Variants in CAMK2A observed in about 807,000 individuals in gnomAD.
CAMK2A encodes calcium/calmodulin dependent protein kinase II alpha.
Under a neutral mutation model 79.2 loss-of-function variants are expected in CAMK2A, and 7 were observed. That is an observed-to-expected ratio of 0.09 (90% CI 0.05 to 0.17). The LOEUF (loss-of-function observed/expected upper bound fraction) is 0.17. CAMK2A is among the 10% of genes least tolerant of loss of function. CAMK2A has a pLI of 1.00. For synonymous variants in CAMK2A, 242 were observed against 251.7 expected (o/e 0.96, Z 0.36); for missense variants, 214 against 646.4 (o/e 0.33, Z 7.25).
rs542754622 is a variant in CAMK2A, at chr5:150,287,648, C to T, written c.62+1916G>A. Among the ~76,000 whole-genome samples the T allele has an allele frequency of 6.4e-4, 97 of 152,264 alleles. 2 individuals carry two copies. Among genetic ancestry groups the T allele is most frequent in the Admixed American group, 5.9e-4 (9 of 15,294 alleles). On this transcript the variant is annotated intron_variant, in intron 1 of 18. Coordinates refer to ENST00000671881, the MANE Select transcript of CAMK2A (RefSeq NM_015981.4). Reference sequence around the variant, plus strand: ...CAACTCCATCTCACTGTACTCATGACGCAGTCCTGCCAGGACCCAGTCTTG... The same window carrying T: ...CAACTCCATCTCACTGTACTCATGATGCAGTCCTGCCAGGACCCAGTCTTG...
intron 2 of CAMK2A, among the ~76,000 whole-genome samples, chr5:150,268,449 A>G (rs1756606164): frequency 6.6e-6 from 1 of 152,098 alleles, no homozygotes; most frequent in South Asian, 2.1e-4. Context: ...CTCCTTAGAG[A>G]GATTCCCTGG....
At chr5:150,279,802 A>G (rs1031366261) in intron 1 of CAMK2A, among the ~76,000 whole-genome samples, 2 of 152,218 alleles carry the variant, frequency 1.3e-5, no homozygotes. Context: ...GGTCCGGCGC[A>G]TGGCTGAGAA....
intron 2 of CAMK2A, among the ~76,000 whole-genome samples, chr5:150,268,856 C>G (rs1476670071): frequency 6.6e-6 from 1 of 152,164 alleles, no homozygotes; most frequent in Non-Finnish European, 1.5e-5. Flanking sequence ...ACTTCCTGGG[C>G]TCAGGTGATT....
chr5:150,266,519 C>T (rs1055807534), intron 2 of CAMK2A, among the ~76,000 whole-genome samples: 1 of 152,172 alleles, frequency 6.6e-6, no homozygotes, highest in African/African-American at 2.4e-5. Context: ...CTTTATATGC[C>T]TTTCAAGCCC....
chr5:150,253,834 G>T (rs1033752477), intron 6 of CAMK2A, among the ~76,000 whole-genome samples: 6 of 150,942 alleles, frequency 4.0e-5, no homozygotes, highest in African/African-American at 1.2e-4. Flanking sequence ...TGAGAGCGGG[G>T]TGGTACATTC....
intron 13 of CAMK2A, among the ~76,000 whole-genome samples, chr5:150,240,920 C>T (rs1316383826): frequency 3.3e-5 from 5 of 152,332 alleles, no homozygotes; most frequent in Non-Finnish European, 1.5e-5. Context: ...ACAGGGCAGG[C>T]CTTTGCCATG....
In CAMK2A at chr5:150,222,627, C is replaced by T. The variant is rs760046210; in HGVS notation, c.*83G>A. 2 of 1,506,688 alleles carry T rather than the reference C, an allele frequency of 1.3e-6. No individual in the cohort carries two copies. The highest frequency in any genetic ancestry group is 2.3e-5 in the South Asian group (2 of 88,520). 93.3% of individuals were successfully genotyped at this position (1,506,688 alleles called of 1,614,324 possible). ...TGACATGGGAGAATTCCAGCAAAAT[C>T]CACCTGGGAGAACCAGCAGCTCCAC... On this transcript the variant is annotated 3_prime_UTR_variant, in exon 19 of 19. Coordinates refer to ENST00000671881, the MANE Select transcript of CAMK2A (RefSeq NM_015981.4).
chr5:150,283,210 G>A (rs1757286951), intron 1 of CAMK2A, among the ~76,000 whole-genome samples: 1 of 152,134 alleles, frequency 6.6e-6, no homozygotes, highest in South Asian at 2.1e-4. Flanking sequence ...TGGAAATTGG[G>A]GTCAGGCTGA....
intron 1 of CAMK2A, among the ~76,000 whole-genome samples, chr5:150,281,387 A>G (rs1757209585): frequency 6.6e-6 from 1 of 152,220 alleles, no homozygotes; most frequent in African/African-American, 2.4e-5. Flanking sequence ...CAGAATAGAG[A>G]GGTTAGAATG....
intron 3 of CAMK2A, among the ~76,000 whole-genome samples, chr5:150,260,540 T>C (rs1756262821): frequency 6.7e-6 from 1 of 150,306 alleles, no homozygotes; most frequent in East Asian, 2.0e-4. Flanking sequence ...ACCTGGGCCC[T>C]GCCCAGAAGC....
chr5:150,264,815 C>T lies in CAMK2A; in HGVS notation c.217+141G>A, dbSNP rs76035118. On this transcript the variant is annotated intron_variant, in intron 3 of 18. Transcript: ENST00000671881. ...AGGAATGTGGAAACCATTAAAGACG[C>T]CCCCTTTCCCATCTCTGCTGCCTCC... The T allele has an allele frequency of 2.5e-3, 1,648 of 672,118 alleles. 21 individuals are homozygous for T. In the African/African-American group the frequency reaches 0.026, roughly 11 times the overall value. The allele number at this position is 672,118 out of a possible 1,614,324, so 41.6% of individuals were successfully genotyped here.
chr5:150,250,779 G>A lies in CAMK2A; in HGVS notation c.725C>T (p.Pro242Leu), dbSNP rs751800259. ...FPSPEWDTVTPEAKDLINKML... is the reference protein window; with the variant it reads ...FPSPEWDTVTLEAKDLINKML... ...CTTATTGATCAGATCCTTGGCTTCC[G>A]GGGTGACAGTGTCCCATTCCGGCGA... Residue 242 changes from proline to leucine, a missense_variant, in exon 10 of 19, where the codon CCG becomes CTG. By Grantham distance (98) the Pro-to-Leu change is moderately conservative. Coordinates refer to ENST00000671881, the MANE Select transcript of CAMK2A (RefSeq NM_015981.4). 5.6e-6 allele frequency: 9 copies of A among 1,613,924 alleles called. No individual in the cohort carries two copies. Among genetic ancestry groups the A allele is most frequent in the Non-Finnish European group, 5.9e-6 (7 of 1,179,956 alleles).
Position 150,222,506 on chromosome 5 carries a change from G to A in CAMK2A, c.*204C>T, listed in dbSNP as rs565830737. 1 of 709,988 alleles carries A rather than the reference G, an allele frequency of 1.4e-6. No individual in the cohort carries two copies. Among genetic ancestry groups the A allele is most frequent in the African/African-American group, 1.7e-5 (1 of 57,482 alleles). The allele number at this position is 709,988 out of a possible 1,614,324, so 44.0% of individuals were successfully genotyped here. On this transcript the variant is annotated 3_prime_UTR_variant, in exon 19 of 19. Coordinates refer to ENST00000671881, the MANE Select transcript of CAMK2A (RefSeq NM_015981.4). ...GCAGGGGAGAGGGTGGGGGTGAGAG[G>A]TGGGGAGATGTGGCCGTTCGCTCTG... is the stretch of plus-strand genomic sequence containing the variant.
chr5:150,242,799 G>A lies in CAMK2A; in HGVS notation c.984+2362C>T, dbSNP rs184210371. ...CCGCCATTCTCCCCACACTCCTTCC[G>A]GGAGCAAGACATGGCAGGCCAGGCT... On this transcript the variant is annotated intron_variant, in intron 13 of 18. Coordinates refer to ENST00000671881, the MANE Select transcript of CAMK2A (RefSeq NM_015981.4). Among the ~76,000 whole-genome samples the A allele has an allele frequency of 1.2e-4, 18 of 152,298 alleles. No individual in the cohort carries two copies. In the East Asian group the frequency reaches 3.3e-3, roughly 28 times the overall value.
chr5:150,281,828 T>C (rs1276734227), intron 1 of CAMK2A, among the ~76,000 whole-genome samples: 2 of 152,210 alleles, frequency 1.3e-5, no homozygotes, highest in African/African-American at 4.8e-5. Context: ...TGAGAAGCTT[T>C]TAGGCCTCAG....
chr5:150,232,200 A>T (rs1754871689), intron 15 of CAMK2A, among the ~76,000 whole-genome samples: 1 of 152,198 alleles, frequency 6.6e-6, no homozygotes, highest in African/African-American at 2.4e-5. Context: ...TATTTAAATG[A>T]CTGTCCAGGT....
At position 150,287,359 on chromosome 5, in the gene CAMK2A, T is replaced by C. The variant is rs972452307; in HGVS notation, c.62+2205A>G. 2.0e-5 allele frequency among the ~76,000 whole-genome samples: 3 copies of C among 152,300 alleles called. No individual in the cohort carries two copies. The South Asian group carries it at 6.2e-4, about 32-fold the overall frequency. The stretch of plus-strand genomic sequence containing the variant: ...TTCATCAGATTCCTGAAGGAATATG[T>C]GACCTAAAAAAGGTTAAGAGCAGTC... On this transcript the variant is annotated intron_variant, in intron 1 of 18. Transcript: ENST00000671881.
At chr5:150,288,667 G>A (rs1757536397) in intron 1 of CAMK2A, among the ~76,000 whole-genome samples, 1 of 152,114 alleles carries the variant, frequency 6.6e-6, no homozygotes, top group South Asian at 2.1e-4. Context: ...TTGCCCACAA[G>A]GCAAACTCTG....
At chr5:150,259,219 T>C (rs1756194680) in intron 3 of CAMK2A, among the ~76,000 whole-genome samples, 1 of 150,398 alleles carries the variant, frequency 6.6e-6, no homozygotes, top group African/African-American at 2.4e-5. Flanking sequence ...TAAAATAAAA[T>C]AAAATAAAAT....
Sources: gnomAD v4.1 joint callset for allele counts (sites outside exome capture counted in the v4.1 genomes callset) on GRCh38, gnomAD v4.1.1 for gene constraint, MANE v1.5 for transcripts, NCBI Gene and HGNC (gene_info 2026-07-23, HGNC 2026-07-21) for gene names.